Variants in FAM107B observed in about 807,000 individuals in gnomAD.
FAM107B encodes the protein protein FAM107B.
A neutral mutation model predicts 31.5 loss-of-function variants in FAM107B; 21 were observed. The observed-to-expected ratio is 0.67, with a 90% confidence interval of 0.47 to 0.96. The LOEUF (loss-of-function observed/expected upper bound fraction) is 0.96, where lower values mean the gene tolerates loss of function less well. Among genes scored for constraint, FAM107B ranks in the 40% least tolerant of loss-of-function variants. The pLI is 0.00. For synonymous variants in FAM107B, 157 were observed against 141.5 expected, an observed-to-expected ratio of 1.11 and a Z score of -0.78; for missense variants, 452 against 377.1, an observed-to-expected ratio of 1.20 and a Z score of -1.64.
intron 2 of FAM107B, among the ~76,000 whole-genome samples, chr10:14,588,800 G>T (rs1458047819): frequency 2.6e-5 from 4 of 152,054 alleles, no homozygotes; most frequent in Non-Finnish European, 4.4e-5. Context: ...GTTACTGAAG[G>T]GGAGTGAAAA....
At chr10:14,691,387 C>T (rs149986582) in intron 1 of FAM107B, among the ~76,000 whole-genome samples, 54 of 152,320 alleles carry the variant, frequency 3.5e-4, no homozygotes, top group African/African-American at 1.2e-3. Flanking sequence ...GCCAGTTCTG[C>T]GCTCTGCAGG....
chr10:14,542,145 G>A (rs542119509), intron 2 of FAM107B, among the ~76,000 whole-genome samples: 2 of 151,954 alleles, frequency 1.3e-5, no homozygotes, highest in East Asian at 1.9e-4. Context: ...TGGTGCATGT[G>A]TGTAGTCCCA....
chr10:14,568,585 A>C (rs76418911), intron 2 of FAM107B, among the ~76,000 whole-genome samples: 4 of 123,120 alleles, frequency 3.2e-5, no homozygotes, highest in African/African-American at 1.2e-4. Context: ...TGATGATCTC[A>C]GGGTTAGACC....
chr10:14,586,643 A>C (rs1851852019), intron 2 of FAM107B, among the ~76,000 whole-genome samples: 1 of 152,170 alleles, frequency 6.6e-6, no homozygotes, highest in Non-Finnish European at 1.5e-5. Flanking sequence ...CTCACCAGAC[A>C]CCAAATCTGC....
rs920034358 is a variant in FAM107B, at chr10:14,532,133, T to C, written c.470-1618A>G. On this transcript the variant is annotated intron_variant, in intron 2 of 4. Coordinates refer to ENST00000181796, the MANE Select transcript of FAM107B (RefSeq NM_031453.4). Reference sequence around the variant, plus strand: ...ACCCTGTGCCAGTGGAAAAGGCTTCTAGTTCTCAGCACGGTGCTCGCTGGC... The same window carrying C: ...ACCCTGTGCCAGTGGAAAAGGCTTCCAGTTCTCAGCACGGTGCTCGCTGGC... 2.0e-5 allele frequency among the ~76,000 whole-genome samples: 3 copies of C among 152,222 alleles called. No individual in the cohort carries two copies. In the South Asian group the frequency reaches 6.2e-4, roughly 32 times the overall value.
In FAM107B at chr10:14,574,605, C is replaced by T. The variant is rs142064933; in HGVS notation, c.470-44090G>A. ...TTTTTATCCAATGGACCACAATTGG[C>T]CAAGAGACGAGACTGAGAAAAGGCT... On this transcript the variant is annotated intron_variant, in intron 2 of 4. Transcript: ENST00000181796. 2.5e-3 allele frequency among the ~76,000 whole-genome samples: 374 copies of T among 152,262 alleles called. 5 individuals carry two copies. The highest frequency in any genetic ancestry group is 8.4e-3 in the African/African-American group (349 of 41,550).
At chr10:14,555,666 TGCA>T (rs1223424038) in intron 2 of FAM107B, among the ~76,000 whole-genome samples, 2 of 152,232 alleles carry the variant, frequency 1.3e-5, no homozygotes, top group African/African-American at 4.8e-5. Flanking sequence ...CTGCATCTGC[TGCA>T]GAACCATTTT....
chr10:14,713,675 T>A (rs1462154858), intron 1 of FAM107B, among the ~76,000 whole-genome samples: 5 of 152,178 alleles, frequency 3.3e-5, no homozygotes, highest in African/African-American at 1.2e-4. Flanking sequence ...CATAATTTGA[T>A]GTCATTTGAA....
intron 1 of FAM107B, among the ~76,000 whole-genome samples, chr10:14,738,742 G>A (rs933135509): frequency 5.3e-5 from 8 of 152,126 alleles, no homozygotes; most frequent in South Asian, 2.1e-4. Context: ...TAAGGAATTC[G>A]GACATTACCC....
At chr10:14,586,770 C>T (rs1316265937) in intron 2 of FAM107B, among the ~76,000 whole-genome samples, 1 of 152,174 alleles carries the variant, frequency 6.6e-6, no homozygotes, top group African/African-American at 2.4e-5. Context: ...ACAGCCATAC[C>T]TTTGAGCCCA....
chr10:14,540,897 C>A lies in FAM107B; in HGVS notation c.470-10382G>T, dbSNP rs183278249. Among the ~76,000 whole-genome samples the A allele has an allele frequency of 9.8e-5, 15 of 152,296 alleles. No individual in the cohort carries two copies. In the East Asian group the frequency reaches 2.9e-3, roughly 29 times the overall value. ...CACTGAAAGGACAGAGCCAACCCCACCCCACAGGGCCTACACTGTAGCAGA... is the reference window on the plus strand; with the variant it reads ...CACTGAAAGGACAGAGCCAACCCCAACCCACAGGGCCTACACTGTAGCAGA... On this transcript the variant is annotated intron_variant, in intron 2 of 4. Transcript: ENST00000181796.
intron 1 of FAM107B, among the ~76,000 whole-genome samples, chr10:14,671,822 A>G (rs1854552909): frequency 6.6e-6 from 1 of 150,738 alleles, no homozygotes; most frequent in African/African-American, 2.4e-5. Context: ...CTGAAGCAAG[A>G]TTAACCCTGG....
At chr10:14,770,471 C>T (rs1315771909) in intron 1 of FAM107B, among the ~76,000 whole-genome samples, 2 of 151,982 alleles carry the variant, frequency 1.3e-5, no homozygotes, top group East Asian at 1.9e-4. Context: ...TGCAGTGAGC[C>T]GAGATCGCAC....
chr10:14,627,080 G>T (rs1853185021), intron 2 of FAM107B, among the ~76,000 whole-genome samples: 1 of 152,154 alleles, frequency 6.6e-6, no homozygotes, highest in South Asian at 2.1e-4. Context: ...CTTCAAACAG[G>T]TTATTTACAA....
intron 2 of FAM107B, among the ~76,000 whole-genome samples, chr10:14,657,801 C>A (rs1021985927): frequency 2.6e-5 from 4 of 151,406 alleles, no homozygotes; most frequent in African/African-American, 9.7e-5. Flanking sequence ...AGCATGTTGC[C>A]ACCTTCACTT....
At chr10:14,580,019 CAAA>C (rs34296189) in intron 2 of FAM107B, among the ~76,000 whole-genome samples, 20 of 139,238 alleles carry the variant, frequency 1.4e-4, no homozygotes, top group Admixed American at 4.3e-4. Context: ...GACTTCATTT[CAAA>C]AAAAAAAAAA....
At chr10:14,691,584 G>T (rs570373019) in intron 1 of FAM107B, among the ~76,000 whole-genome samples, 1 of 152,198 alleles carries the variant, frequency 6.6e-6, no homozygotes, top group African/African-American at 2.4e-5. Context: ...CAACAGAAGG[G>T]AAAACTGAGG....
intron 1 of FAM107B, among the ~76,000 whole-genome samples, chr10:14,704,844 T>C (rs1855482893): frequency 6.6e-6 from 1 of 151,914 alleles, no homozygotes; most frequent in Non-Finnish European, 1.5e-5. Context: ...GCCAACATGA[T>C]GAAACCCCAT....
At chr10:14,542,888 T>C (rs932996801) in intron 2 of FAM107B, among the ~76,000 whole-genome samples, 8 of 152,222 alleles carry the variant, frequency 5.3e-5, no homozygotes, top group African/African-American at 1.9e-4. Flanking sequence ...GAAATAGATA[T>C]ATTAGTACAC....
Sources: allele counts gnomAD v4.1 joint callset (sites outside exome capture counted in the v4.1 genomes callset), GRCh38; gene constraint gnomAD v4.1.1; transcripts MANE v1.5; gene names NCBI Gene and HGNC (gene_info 2026-07-23, HGNC 2026-07-21).